The following DOK6 variants were observed in gnomAD, a reference collection of about 807,000 sequenced individuals.
The protein encoded by DOK6 is docking protein 6, also known as downstream of tyrosine kinase 6.
Under a neutral mutation model 44.0 loss-of-function variants are expected in DOK6, and 22 were observed. That is an observed-to-expected ratio of 0.50 (90% confidence interval 0.36 to 0.71). DOK6 has a LOEUF of 0.71. Among genes scored for constraint, DOK6 ranks in the 30% least tolerant of loss-of-function variants. The pLI is 0.00. For missense variants in DOK6, 340 were observed against 416.4 expected (o/e 0.82, Z 1.60); for synonymous variants, 166 against 145.5 (o/e 1.14, Z -1.01).
At chr18:69,792,723 C>A (rs796379716) in intron 7 of DOK6, among the ~76,000 whole-genome samples, 2 of 151,932 alleles carry the variant, frequency 1.3e-5, no homozygotes, top group African/African-American at 4.8e-5. Context: ...CTACTGTGAC[C>A]CAAATTCCAG....
At chr18:69,439,231 G>A (rs1979070591) in intron 1 of DOK6, among the ~76,000 whole-genome samples, 1 of 152,192 alleles carries the variant, frequency 6.6e-6, no homozygotes, top group South Asian at 2.1e-4. Context: ...GCTGTAAACA[G>A]ATATGCTGTC....
chr18:69,623,106 G>T (rs1339925697), intron 3 of DOK6, among the ~76,000 whole-genome samples: 2 of 152,104 alleles, frequency 1.3e-5, no homozygotes, highest in Non-Finnish European at 2.9e-5. Context: ...CAGGAGATCT[G>T]GTTTGAAAGT....
At chr18:69,624,789 A>G (rs1356479057) in intron 3 of DOK6, among the ~76,000 whole-genome samples, 2 of 152,138 alleles carry the variant, frequency 1.3e-5, no homozygotes, top group Non-Finnish European at 2.9e-5. Flanking sequence ...TTAGAAGCCA[A>G]TTCTTTCCTA....
intron 7 of DOK6, among the ~76,000 whole-genome samples, chr18:69,759,714 A>G (rs754288359): frequency 6.6e-6 from 1 of 152,212 alleles, no homozygotes; most frequent in African/African-American, 2.4e-5. Flanking sequence ...ATGTTGATTT[A>G]TATGTTGTAT....
At chr18:69,730,545 C>T (rs951121648) in intron 5 of DOK6, among the ~76,000 whole-genome samples, 4 of 152,038 alleles carry the variant, frequency 2.6e-5, no homozygotes, top group African/African-American at 7.2e-5. Context: ...ATATTTACTC[C>T]ACTTCTTAGC....
chr18:69,802,803 G>A (rs984875561), intron 7 of DOK6, among the ~76,000 whole-genome samples: 1 of 152,094 alleles, frequency 6.6e-6, no homozygotes, highest in Non-Finnish European at 1.5e-5. Context: ...TGCTTGTACA[G>A]CCTGCAGAAA....
chr18:69,452,335 C>T (rs1279921234), intron 1 of DOK6, among the ~76,000 whole-genome samples: 1 of 151,310 alleles, frequency 6.6e-6, no homozygotes, highest in East Asian at 2.0e-4. Context: ...CATTCCTCAA[C>T]ACATACATTC....
chr18:69,738,701 C>CT (rs548334449), intron 5 of DOK6, among the ~76,000 whole-genome samples: 5 of 152,168 alleles, frequency 3.3e-5, no homozygotes, highest in East Asian at 1.9e-4. Context: ...CCTAAATCAC[C>CT]TTTTTTTTCT....
At chr18:69,734,393 C>CAAGAAAAAA (rs1978527800) in intron 5 of DOK6, among the ~76,000 whole-genome samples, 1 of 48,500 alleles carries the variant, frequency 2.1e-5, no homozygotes, top group African/African-American at 6.8e-5. Flanking sequence ...TTCATAGCAG[C>CAAGAAAAAA]AAAAAAAAAA....
At chr18:69,506,669 C>T (rs1981195106) in intron 1 of DOK6, among the ~76,000 whole-genome samples, 1 of 152,038 alleles carries the variant, frequency 6.6e-6, no homozygotes, top group South Asian at 2.1e-4. Context: ...ATATGTGAGC[C>T]ATTTCCACAT....
At chr18:69,670,344 T>C (rs537984588) in intron 3 of DOK6, among the ~76,000 whole-genome samples, 1 of 152,130 alleles carries the variant, frequency 6.6e-6, no homozygotes, top group South Asian at 2.1e-4. Flanking sequence ...TCCTGTCTCT[T>C]TCTCTCTCAA....
chr18:69,446,162 T>C (rs942362331), intron 1 of DOK6, among the ~76,000 whole-genome samples: 2 of 151,680 alleles, frequency 1.3e-5, no homozygotes, highest in Non-Finnish European at 2.9e-5. Context: ...ACTCATTAAC[T>C]TGTCATTTAC....
At position 69,612,468 on chromosome 18, in the gene DOK6, T is replaced by TGTGCGAGGGCGCATGTGTGCGA. The variant is rs1351653077; in HGVS notation, c.289+12970_289+12971insGTGCGAGGGCGCATGTGTGCGA. Among the ~76,000 whole-genome samples, 3 of 149,848 alleles carry TGTGCGAGGGCGCATGTGTGCGA rather than the reference T, an allele frequency of 2.0e-5. No homozygotes were observed. In the East Asian group the frequency reaches 6.0e-4, roughly 30 times the overall value. ...GCGCATGTGTGCGAGCGTGCATATGTATTTCTTGCTCTTTTCTAACATAGA... is the reference window on the plus strand; with the variant it reads ...GCGCATGTGTGCGAGCGTGCATATGTGTGCGAGGGCGCATGTGTGCGAATTTCTTGCTCTTTTCTAACATAGA... On this transcript the variant is annotated intron_variant, in intron 3 of 7. Coordinates refer to ENST00000382713, the MANE Select transcript of DOK6 (RefSeq NM_152721.6).
intron 4 of DOK6, among the ~76,000 whole-genome samples, chr18:69,683,668 G>A (rs72963468): frequency 4.6e-5 from 7 of 152,306 alleles, no homozygotes; most frequent in Non-Finnish European, 1.0e-4. Flanking sequence ...CAGCCAGAGA[G>A]GGGATGGCCC....
chr18:69,818,083 C>A (rs767499411), intron 7 of DOK6, among the ~76,000 whole-genome samples: 1 of 152,114 alleles, frequency 6.6e-6, no homozygotes, highest in Non-Finnish European at 1.5e-5. Flanking sequence ...AGGAAGGATC[C>A]CCTTCAAGTT....
chr18:69,621,146 A>G (rs1365593807), intron 3 of DOK6, among the ~76,000 whole-genome samples: 3 of 152,278 alleles, frequency 2.0e-5, no homozygotes, highest in South Asian at 2.1e-4. Flanking sequence ...GTTCCTTTGT[A>G]TAGTGAACTG....
rs558332506 is a variant in DOK6, at chr18:69,778,619, T to C, written c.856+20746T>C. On this transcript the variant is annotated intron_variant, in intron 7 of 7. Coordinates refer to ENST00000382713, the MANE Select transcript of DOK6 (RefSeq NM_152721.6). ...CAAATGCTAAATACTGCTTTTGAAATGTACTTATTCTGAGCATGAAAGGAG... is the reference window on the plus strand; with the variant it reads ...CAAATGCTAAATACTGCTTTTGAAACGTACTTATTCTGAGCATGAAAGGAG... Among the ~76,000 whole-genome samples the C allele has an allele frequency of 1.1e-4, 16 of 152,252 alleles. No homozygotes were observed. In the East Asian group the frequency reaches 2.7e-3, roughly 26 times the overall value.
At chr18:69,589,520 G>A (rs183486047) in intron 2 of DOK6, among the ~76,000 whole-genome samples, 1 of 152,036 alleles carries the variant, frequency 6.6e-6, no homozygotes, top group Non-Finnish European at 1.5e-5. Flanking sequence ...TTTAAAGAAA[G>A]AATATTAGTG....
intron 1 of DOK6, among the ~76,000 whole-genome samples, chr18:69,432,213 C>T (rs750558264): frequency 5.9e-5 from 9 of 152,158 alleles, no homozygotes; most frequent in Non-Finnish European, 8.8e-5. Flanking sequence ...AAGACCAATG[C>T]ATGAGGATTA....
Sources: gnomAD v4.1 joint callset for allele counts (sites outside exome capture counted in the v4.1 genomes callset) on GRCh38, gnomAD v4.1.1 for gene constraint, MANE v1.5 for transcripts, NCBI Gene and HGNC (gene_info 2026-07-23, HGNC 2026-07-21) for gene names.